Variants in WDR70 observed in about 807,000 individuals in gnomAD.
WDR70 encodes WD repeat-containing protein 70.
A neutral mutation model predicts 88.6 loss-of-function variants in WDR70; 53 were observed. The observed-to-expected ratio is 0.60, with a 90% CI of 0.48 to 0.75. The LOEUF (loss-of-function observed/expected upper bound fraction) is 0.75. Ranked by LOEUF, WDR70 falls within the 30% of genes least tolerant of loss-of-function variation. The pLI is 0.00. For missense variants in WDR70, 610 were observed against 823.2 expected, an observed-to-expected ratio of 0.74 and a Z score of 3.17; for synonymous variants, 280 against 270.0, an observed-to-expected ratio of 1.04 and a Z score of -0.36.
At chr5:37,482,332 G>A (rs1444064579) in intron 8 of WDR70, among the ~76,000 whole-genome samples, 1 of 152,122 alleles carries the variant, frequency 6.6e-6, no homozygotes, top group African/African-American at 2.4e-5. Flanking sequence ...AATTTATAAA[G>A]GAAAGAGGTT....
chr5:37,660,278 A>G (rs886758669), intron 10 of WDR70, among the ~76,000 whole-genome samples: 2 of 152,130 alleles, frequency 1.3e-5, no homozygotes, highest in Non-Finnish European at 2.9e-5. Context: ...AAGAATATGT[A>G]TTCTGTTTGG....
chr5:37,648,113 T>G (rs1745287661), intron 10 of WDR70, among the ~76,000 whole-genome samples: 1 of 152,220 alleles, frequency 6.6e-6, no homozygotes, highest in South Asian at 2.1e-4. Context: ...GTAGGCATGT[T>G]CTTTATCTGT....
intron 8 of WDR70, chr5:37,506,332 C>CA (rs1740560382): frequency 4.4e-6 from 4 of 903,162 alleles, no homozygotes. Flanking sequence ...GAGTCAATAC[C>CA]AAAAAATCTT....
chr5:37,397,077 G>A (rs1395403967), intron 5 of WDR70, among the ~76,000 whole-genome samples: 2 of 151,922 alleles, frequency 1.3e-5, no homozygotes, highest in Non-Finnish European at 2.9e-5. Flanking sequence ...AGGAGATAGA[G>A]GTTGCAGTGA....
chr5:37,727,133 C>T, intron 17 of WDR70, 88 bp downstream of exon 17: 1 of 1,471,362 alleles, frequency 6.8e-7, no homozygotes, highest in Non-Finnish European at 9.1e-7. Flanking sequence ...GTTCTAACTT[C>T]TCTATTTCTT....
intron 5 of WDR70, among the ~76,000 whole-genome samples, chr5:37,414,203 C>T (rs1031070929): frequency 6.7e-6 from 1 of 150,318 alleles, no homozygotes; most frequent in Non-Finnish European, 1.5e-5. Context: ...CTGCTCCAAA[C>T]GTCTGGTTTC....
In WDR70 at chr5:37,472,612, A is replaced by C. The variant is rs1358462581; in HGVS notation, c.687-7222A>C. Reference sequence around the variant, plus strand: ...CGGGTTCAAGAAATTCTCTTGCCTCAGCCTCCCTAGTAGCTGGGATTTAAC... The same window carrying C: ...CGGGTTCAAGAAATTCTCTTGCCTCCGCCTCCCTAGTAGCTGGGATTTAAC... On this transcript the variant is annotated intron_variant, in intron 7 of 17. Transcript: ENST00000265107. Among the ~76,000 whole-genome samples the C allele has an allele frequency of 5.3e-5, 8 of 151,998 alleles. 1 individual carries two copies. Among genetic ancestry groups the C allele is most frequent in the African/African-American group, 1.9e-4 (8 of 41,272 alleles).
intron 8 of WDR70, among the ~76,000 whole-genome samples, chr5:37,503,770 G>C (rs1467239548): frequency 6.6e-6 from 1 of 151,926 alleles, no homozygotes; most frequent in South Asian, 2.1e-4. Flanking sequence ...TTCTTGGTTG[G>C]CTATTTTTTA....
At chr5:37,381,545 A>G (rs947310398) in intron 2 of WDR70, 57 bp from the exon 3 acceptor site, 3 of 1,478,732 alleles carry the variant, frequency 2.0e-6, no homozygotes, top group Non-Finnish European at 2.8e-6. Flanking sequence ...TTGATCACCT[A>G]AAGTTTGGCC....
At chr5:37,408,833 C>T (rs6892443) in intron 5 of WDR70, among the ~76,000 whole-genome samples, 16,585 of 152,020 alleles carry the variant, frequency 0.11, 2,946 homozygotes, top group African/African-American at 0.37. Context: ...TACTTGTGAA[C>T]ATTAGCTACC....
intron 8 of WDR70, among the ~76,000 whole-genome samples, chr5:37,492,036 C>T (rs1015672594): frequency 6.6e-6 from 1 of 152,142 alleles, no homozygotes; most frequent in Non-Finnish European, 1.5e-5. Flanking sequence ...TTTGATCCTA[C>T]CTACTTTTCT....
chr5:37,445,901 A>T (rs146209123), intron 7 of WDR70, among the ~76,000 whole-genome samples: 9,099 of 152,262 alleles, frequency 0.06, 353 homozygotes, highest in South Asian at 0.13. Context: ...GCCCTCTCTC[A>T]CCACTCCTAT....
chr5:37,395,272 T>C (rs114137881), intron 4 of WDR70, among the ~76,000 whole-genome samples: 4,069 of 152,210 alleles, frequency 0.027, 188 homozygotes, highest in African/African-American at 0.094. Flanking sequence ...TCAGGTGTGG[T>C]GGATAGGAAA....
intron 17 of WDR70, among the ~76,000 whole-genome samples, chr5:37,731,656 G>A (rs1748147959): frequency 6.6e-6 from 1 of 151,960 alleles, no homozygotes; most frequent in African/African-American, 2.4e-5. Context: ...CAAGAAAACA[G>A]TCATAGTTTA....
intron 9 of WDR70, among the ~76,000 whole-genome samples, chr5:37,549,612 A>G (rs985737533): frequency 6.6e-6 from 1 of 152,158 alleles, no homozygotes; most frequent in African/African-American, 2.4e-5. Context: ...TTTATTTACA[A>G]TTTGGATGCC....
intron 11 of WDR70, chr5:37,697,971 T>C: frequency 2.4e-6 from 1 of 419,576 alleles, no homozygotes; most frequent in Non-Finnish European, 4.3e-6. Flanking sequence ...TACTTTTTTT[T>C]GGCCTAAGTT....
At chr5:37,503,468 C>T (rs1581344126) in intron 8 of WDR70, among the ~76,000 whole-genome samples, 1 of 152,156 alleles carries the variant, frequency 6.6e-6, no homozygotes, top group Non-Finnish European at 1.5e-5. Context: ...CCCTCTATGT[C>T]TCTGTGTGTT....
intron 8 of WDR70, among the ~76,000 whole-genome samples, chr5:37,488,853 C>T (rs1157519314): frequency 1.3e-5 from 2 of 152,020 alleles, no homozygotes; most frequent in African/African-American, 4.8e-5. Flanking sequence ...TGTCACTTTT[C>T]CTTGCTTTTT....
At position 37,379,403 on chromosome 5, in the gene WDR70, T is replaced by C; in HGVS notation, c.25+11T>C. On this transcript the variant is annotated intron_variant, in intron 1 of 17. Coordinates refer to ENST00000265107, the MANE Select transcript of WDR70 (RefSeq NM_018034.4). ...CTGGGCCCAGCGAAGGTGGGTTTCA[T>C]GAGGCGAGTCCGGGCGGGGTGGGCC... The C allele has an allele frequency of 6.2e-7, 1 of 1,613,614 alleles. No individual in the cohort carries two copies. The highest frequency in any genetic ancestry group is 8.5e-7 in the Non-Finnish European group (1 of 1,179,824).
Sources: allele counts gnomAD v4.1 joint callset (sites outside exome capture counted in the v4.1 genomes callset), GRCh38; gene constraint gnomAD v4.1.1; transcripts MANE v1.5; gene names NCBI Gene and HGNC (gene_info 2026-07-23, HGNC 2026-07-21).